ARID3A: variants seen among roughly 807,000 people sequenced by gnomAD.
ARID3A encodes AT-rich interaction domain 3A.
Under a neutral mutation model 52.7 loss-of-function variants are expected in ARID3A, and 11 were observed. The observed-to-expected ratio is 0.21, with a 90% confidence interval of 0.13 to 0.35. The LOEUF (loss-of-function observed/expected upper bound fraction) is 0.35, where lower values mean the gene tolerates loss of function less well. Among genes scored for constraint, ARID3A ranks in the 10% least tolerant of loss-of-function variants. ARID3A has a pLI of 1.00. For missense variants in ARID3A, 721 were observed against 838.5 expected (o/e 0.86, Z 1.73); for synonymous variants, 404 against 359.4 (o/e 1.12, Z -1.40).
At chr19:939,835 G>A (rs995244329) in intron 3 of ARID3A, among the ~76,000 whole-genome samples, 1 of 152,142 alleles carries the variant, frequency 6.6e-6, no homozygotes, top group African/African-American at 2.4e-5. Context: ...GCTTGGAGCA[G>A]TGTGGGGAGG....
chr19:932,052 G>A (rs1240915922), intron 2 of ARID3A, among the ~76,000 whole-genome samples: 2 of 151,920 alleles, frequency 1.3e-5, no homozygotes, highest in Non-Finnish European at 2.9e-5. Flanking sequence ...CTGGAGTGCA[G>A]TGGTGCCATC....
At chr19:953,756 G>T (rs912077916) in intron 3 of ARID3A, among the ~76,000 whole-genome samples, 1 of 152,156 alleles carries the variant, frequency 6.6e-6, no homozygotes, top group African/African-American at 2.4e-5. Context: ...AGGCCCTGGG[G>T]TGGGGGCCTG....
rs780338142 is a variant in ARID3A, at chr19:947,705, C to T, written c.694-12387C>T. Among the ~76,000 whole-genome samples the T allele has an allele frequency of 3.5e-4, 54 of 152,326 alleles. No individual in the cohort carries two copies. The Middle Eastern group carries it at 0.01, about 29-fold the overall frequency. ...AAGCACCTTCACCACGCCAGCTTCC[C>T]GGGCCGCGCTTCATTGTCATTTCTG... On this transcript the variant is annotated intron_variant, in intron 3 of 8. Transcript: ENST00000263620. The surrounding 1 kb of genome is among the most constrained non-coding windows in gnomAD (Gnocchi z 6.3).
chr19:962,442 T>A (rs901961504), intron 4 of ARID3A, among the ~76,000 whole-genome samples: 6 of 149,932 alleles, frequency 4.0e-5, no homozygotes, highest in Admixed American at 4.0e-4. Flanking sequence ...CAGCTCCTTC[T>A]GTAAACATCC....
chr19:952,890 C>T, intron 3 of ARID3A, among the ~76,000 whole-genome samples: 1 of 152,150 alleles, frequency 6.6e-6, no homozygotes, highest in East Asian at 1.9e-4. Flanking sequence ...CAGGTGGGGC[C>T]TGCCTGGGGA....
rs907062578 is a variant in ARID3A, at chr19:973,521, C to T, written c.*1456C>T. On this transcript the variant is annotated 3_prime_UTR_variant, in exon 9 of 9. Coordinates refer to ENST00000263620, the MANE Select transcript of ARID3A (RefSeq NM_005224.3). Reference sequence around the variant, plus strand: ...GCTCCTGTCTCAGGGATGAATGTGGCGTCTCATTGGGATTCTTCTCTTGCC... The same window carrying T: ...GCTCCTGTCTCAGGGATGAATGTGGTGTCTCATTGGGATTCTTCTCTTGCC... 4 of 220,564 alleles carry T rather than the reference C, an allele frequency of 1.8e-5. No individual in the cohort carries two copies. The highest frequency in any genetic ancestry group is 2.7e-5 in the Non-Finnish European group (3 of 110,058). The allele number at this position is 220,564 out of a possible 1,614,324, so 13.7% of individuals were successfully genotyped here.
chr19:970,300 AAGACTTC>A (rs1463489401), intron 8 of ARID3A, among the ~76,000 whole-genome samples: 1 of 151,966 alleles, frequency 6.6e-6, no homozygotes, highest in African/African-American at 2.4e-5. Flanking sequence ...GCAATGGAGC[AAGACTTC>A]GTCTCAGAGG....
chr19:960,276 G>A lies in ARID3A; in HGVS notation c.766+112G>A. ...CGGTGGTGAGCACCCCGTGGCTGGAGGCATCCAAGGCTCCTAAATCGGGAG... is the reference window on the plus strand; with the variant it reads ...CGGTGGTGAGCACCCCGTGGCTGGAAGCATCCAAGGCTCCTAAATCGGGAG... On this transcript the variant is annotated intron_variant, in intron 4 of 8. Transcript: ENST00000263620. This position sits in a 1 kb window ranked among gnomAD's most constrained non-coding sequence, Gnocchi z 4.3. 1 of 890,254 alleles carries A rather than the reference G, an allele frequency of 1.1e-6. No homozygotes were observed. Among genetic ancestry groups the A allele is most frequent in the Non-Finnish European group, 1.7e-6 (1 of 602,814 alleles). The allele number at this position is 890,254 out of a possible 1,614,324, so 55.1% of individuals were successfully genotyped here.
intron 3 of ARID3A, 127 bp downstream of exon 3, chr19:932,869 G>A (rs567422900): frequency 4.3e-5 from 63 of 1,477,946 alleles, no homozygotes; most frequent in South Asian, 2.2e-4. Context: ...GGGTTCCTGC[G>A]GTAGCTGTGC....
At chr19:970,498 CTTTTTTTTTTTTTTTT>C (rs1177419405) in intron 8 of ARID3A, among the ~76,000 whole-genome samples, 14 of 88,346 alleles carry the variant, frequency 1.6e-4, no homozygotes, top group Non-Finnish European at 2.5e-4. Context: ...AATAGTTTTT[CTTTTTTTTTTTTTTTT>C]TTTTTTTTTT....
rs2038337233 is a variant in ARID3A, at chr19:974,220, CTG to C, written c.*2159_*2160del. 1 of 225,978 alleles carries C rather than the reference CTG, an allele frequency of 4.4e-6. No individual in the cohort carries two copies. Among genetic ancestry groups the C allele is most frequent in the African/African-American group, 2.2e-5 (1 of 44,832 alleles). The allele number at this position is 225,978 out of a possible 1,614,324, so 14.0% of individuals were successfully genotyped here. ...GCTGTGGGAGGGGACTGTCACTTTCCTGTGTCTTTGGGGAGGGGACCCCCACT... is the reference window on the plus strand; with the variant it reads ...GCTGTGGGAGGGGACTGTCACTTTCCTGTCTTTGGGGAGGGGACCCCCACT... On this transcript the variant is annotated 3_prime_UTR_variant, in exon 9 of 9. Coordinates refer to ENST00000263620, the MANE Select transcript of ARID3A (RefSeq NM_005224.3).
In ARID3A at chr19:929,447, G is replaced by A. The variant is rs981466859; in HGVS notation, c.-82G>A. On this transcript the variant is annotated 5_prime_UTR_variant, in exon 2 of 9. Transcript: ENST00000263620. This position sits in a 1 kb window ranked among gnomAD's most constrained non-coding sequence, Gnocchi z 6.2. Reference sequence around the variant, plus strand: ...TGCAGTGCGGCCGGGCCCCCTCCCCGCAGGGGCCGCCCCCGCCGCCCACCC... The same window carrying A: ...TGCAGTGCGGCCGGGCCCCCTCCCCACAGGGGCCGCCCCCGCCGCCCACCC... 30 of 759,430 alleles carry A rather than the reference G, an allele frequency of 4.0e-5. No individual in the cohort carries two copies. Among genetic ancestry groups the A allele is most frequent in the Admixed American group, 5.2e-5 (1 of 19,206 alleles). 47.0% of individuals were successfully genotyped at this position (759,430 alleles called of 1,614,324 possible).
chr19:939,609 G>T (rs747353366), intron 3 of ARID3A, among the ~76,000 whole-genome samples: 7 of 152,082 alleles, frequency 4.6e-5, no homozygotes, highest in Admixed American at 4.6e-4. Context: ...GTGATCTTCC[G>T]GGCAGGTCGG....
At chr19:933,145 C>T (rs1468374316) in intron 3 of ARID3A, among the ~76,000 whole-genome samples, 2 of 152,172 alleles carry the variant, frequency 1.3e-5, no homozygotes, top group Non-Finnish European at 2.9e-5. Flanking sequence ...GACTTGGCCT[C>T]CTCTGTCCCC....
At position 960,963 on chromosome 19, in the gene ARID3A, T is replaced by G. The variant is rs2038027973; in HGVS notation, c.766+799T>G. On this transcript the variant is annotated intron_variant, in intron 4 of 8. Transcript: ENST00000263620. This position sits in a 1 kb window ranked among gnomAD's most constrained non-coding sequence, Gnocchi z 4.3. Reference sequence around the variant, plus strand: ...GCCATTCCCAGGCCCCACCCCAGCTTAGAGTGACCACGGGGCAGAGAGAGT... The same window carrying G: ...GCCATTCCCAGGCCCCACCCCAGCTGAGAGTGACCACGGGGCAGAGAGAGT... Among the ~76,000 whole-genome samples the G allele has an allele frequency of 6.6e-6, 1 of 151,982 alleles. No individual in the cohort carries two copies. The highest frequency in any genetic ancestry group is 2.1e-4 in the South Asian group (1 of 4,822).
intron 2 of ARID3A, among the ~76,000 whole-genome samples, chr19:930,739 G>T (rs1477233565): frequency 6.6e-6 from 1 of 150,952 alleles, no homozygotes; most frequent in Admixed American, 6.6e-5. Context: ...TCGATCTCCT[G>T]ACCTCATGAT....
At chr19:957,101 C>T (rs963842368) in intron 3 of ARID3A, among the ~76,000 whole-genome samples, 3 of 68,094 alleles carry the variant, frequency 4.4e-5, no homozygotes, top group Non-Finnish European at 5.7e-5. Flanking sequence ...CCTGCCCGCC[C>T]GAACCTGTGG....
intron 3 of ARID3A, among the ~76,000 whole-genome samples, chr19:955,288 C>A (rs969976324): frequency 6.6e-6 from 1 of 152,204 alleles, no homozygotes; most frequent in African/African-American, 2.4e-5. Context: ...AACCGGGGGC[C>A]AGAGACCCAT....
rs142470439 is a variant in ARID3A at position 969,619 on chromosome 19, A to G, written c.1594+1116A>G. On this transcript the variant is annotated intron_variant, in intron 8 of 8. Transcript: ENST00000263620. ...ATAGATATATATAGATTAGATATAG[A>G]TTTATATGTATCTATAAATACATAT... Among the ~76,000 whole-genome samples the G allele has an allele frequency of 1.2e-4, 18 of 151,312 alleles. No individual in the cohort carries two copies. In the East Asian group the frequency reaches 3.3e-3, roughly 28 times the overall value.
Sources: gnomAD v4.1 joint callset for allele counts (sites outside exome capture counted in the v4.1 genomes callset) on GRCh38, gnomAD v4.1.1 for gene constraint, Gnocchi (gnomAD v3.1) non-coding constraint, MANE v1.5 for transcripts, NCBI Gene and HGNC (gene_info 2026-07-23, HGNC 2026-07-21) for gene names.